The following PCSK5 variants were observed in gnomAD, a reference collection of about 807,000 sequenced individuals.
PCSK5 encodes prohormone convertase 5.
Under a neutral mutation model 233.2 loss-of-function variants are expected in PCSK5, and 129 were observed. The ratio of observed to expected loss-of-function variants is 0.55; its 90% CI spans 0.48 to 0.64. The LOEUF is 0.64. Among genes scored for constraint, PCSK5 ranks in the 30% least tolerant of loss-of-function variants. PCSK5 has a pLI of 0.00. For missense variants in PCSK5, 2,076 were observed against 2,430.1 expected (o/e 0.85, Z 3.06); for synonymous variants, 825 against 879.2 (o/e 0.94, Z 1.09).
chr9:76,082,560 A>G (rs1199412585), intron 7 of PCSK5, among the ~76,000 whole-genome samples: 3 of 152,118 alleles, frequency 2.0e-5, no homozygotes, highest in Non-Finnish European at 2.9e-5. Context: ...TGGGGAGTTC[A>G]CTGTATAATG....
chr9:76,350,658 T>A (rs1374752779), intron 35 of PCSK5, among the ~76,000 whole-genome samples, 170 bp from the exon 36 acceptor site: 1 of 152,228 alleles, frequency 6.6e-6, no homozygotes, highest in Non-Finnish European at 1.5e-5. Context: ...TTGAACTAAT[T>A]GTATAATTTC....
chr9:75,942,078 T>C (rs1279922430), intron 2 of PCSK5, among the ~76,000 whole-genome samples: 1 of 151,878 alleles, frequency 6.6e-6, no homozygotes, highest in African/African-American at 2.4e-5. Flanking sequence ...GTAACATGAG[T>C]GAGTGAGAAG....
At chr9:76,145,086 C>A (rs967290941) in intron 10 of PCSK5, among the ~76,000 whole-genome samples, 5 of 152,222 alleles carry the variant, frequency 3.3e-5, no homozygotes, top group Middle Eastern at 3.4e-3. Context: ...GATTGTGCCG[C>A]TGCACTCCAG....
At chr9:76,150,581 C>T (rs1823631386) in intron 10 of PCSK5, among the ~76,000 whole-genome samples, 2 of 151,660 alleles carry the variant, frequency 1.3e-5, no homozygotes, top group African/African-American at 4.9e-5. Context: ...TGCAGTGAGC[C>T]GAGATCACAC....
At chr9:76,091,217 C>T (rs1831273129) in intron 7 of PCSK5, among the ~76,000 whole-genome samples, 2 of 152,052 alleles carry the variant, frequency 1.3e-5, no homozygotes, top group South Asian at 2.1e-4. Context: ...TCCAAGACCA[C>T]GATGCTTGTA....
chr9:76,022,804 G>A (rs1828254259), intron 3 of PCSK5, among the ~76,000 whole-genome samples: 1 of 152,170 alleles, frequency 6.6e-6, no homozygotes, highest in African/African-American at 2.4e-5. Context: ...GTCCTGTGTA[G>A]GACACCTTTC....
At chr9:75,951,223 T>G (rs73448591) in intron 2 of PCSK5, among the ~76,000 whole-genome samples, 5,284 of 152,332 alleles carry the variant, frequency 0.035, 118 homozygotes, top group Middle Eastern at 0.11. Context: ...TAGACAATGC[T>G]GGTCTTTTCC....
intron 5 of PCSK5, among the ~76,000 whole-genome samples, chr9:76,060,138 T>A (rs1012959509): frequency 1.3e-5 from 2 of 152,164 alleles, no homozygotes; most frequent in African/African-American, 4.8e-5. Flanking sequence ...GAGCAAAGAA[T>A]GTACACTTGA....
rs1458475327 is a variant in PCSK5, at chr9:76,361,575, G to A, written c.*2653G>A. ...AAATTAGCCAGGCATGGTGGCAAGT[G>A]TCTGTAGTCTCAGCTACTCAGGAGG... On this transcript the variant is annotated 3_prime_UTR_variant, in exon 38 of 38. Transcript: ENST00000674117. 6.6e-6 allele frequency: 1 copy of A among 150,752 alleles called. No homozygotes were observed. The highest frequency in any genetic ancestry group is 1.5e-5 in the Non-Finnish European group (1 of 67,730). 9.3% of individuals were successfully genotyped at this position (150,752 alleles called of 1,614,324 possible). A position where few individuals can be genotyped will look rare whatever the true frequency, so the allele number is the denominator to read the frequency against.
intron 24 of PCSK5, among the ~76,000 whole-genome samples, chr9:76,274,817 T>A (rs544920999): frequency 5.9e-5 from 9 of 152,358 alleles, no homozygotes; most frequent in African/African-American, 2.2e-4. Context: ...AATAGAGGTT[T>A]ATCTGGCTCA....
At chr9:75,893,216 T>C (rs1303568622) in intron 1 of PCSK5, among the ~76,000 whole-genome samples, 1 of 152,164 alleles carries the variant, frequency 6.6e-6, no homozygotes, top group Non-Finnish European at 1.5e-5. Context: ...CATACCCTTC[T>C]TTCTTAATCT....
chr9:76,296,838 AC>A lies in PCSK5; in HGVS notation c.3499del (p.Gln1167ArgfsTer19), dbSNP rs769273682. 2 of 1,611,548 alleles carry A rather than the reference AC, an allele frequency of 1.2e-6. No homozygotes were observed. The highest frequency in any genetic ancestry group is 1.3e-5 in the African/African-American group (1 of 74,614). On this transcript the variant is annotated frameshift_variant, in exon 27 of 38. Transcript: ENST00000674117. LOFTEE classifies it high-confidence loss of function. Reference sequence around the variant, plus strand: ...TGGGATGTGCGTGCATGCCACCAAGACCCAGGAGGAGGGCAAATTCTGGAAT... The same window carrying A: ...TGGGATGTGCGTGCATGCCACCAAGACCAGGAGGAGGGCAAATTCTGGAAT... ...LRGMCVHATK[T>X]QEEGKFWNEA... is the part of the protein sequence containing the mutation.
intron 20 of PCSK5, chr9:76,193,261 G>A: frequency 6.2e-7 from 1 of 1,613,530 alleles, no homozygotes. Context: ...TGGGCGGAAG[G>A]AGGCTTCTGT....
At chr9:76,332,760 A>C in intron 34 of PCSK5, 150 bp downstream of exon 34, 1 of 628,112 alleles carries the variant, frequency 1.6e-6, no homozygotes, top group Non-Finnish European at 2.8e-6. Flanking sequence ...ACCAATTCAC[A>C]GTAACAGAAG....
chr9:76,115,856 A>G (rs1013541720), intron 9 of PCSK5, among the ~76,000 whole-genome samples: 2 of 152,072 alleles, frequency 1.3e-5, no homozygotes, highest in African/African-American at 4.8e-5. Context: ...TTATGTGCCA[A>G]GTTTTCTTGG....
intron 2 of PCSK5, among the ~76,000 whole-genome samples, chr9:75,957,704 T>C (rs1350489917): frequency 6.6e-6 from 1 of 152,184 alleles, no homozygotes; most frequent in African/African-American, 2.4e-5. Context: ...GCCATTTTGT[T>C]TTCTAATCTA....
At chr9:76,286,000 T>C (rs1374418542) in intron 24 of PCSK5, among the ~76,000 whole-genome samples, 1 of 152,212 alleles carries the variant, frequency 6.6e-6, no homozygotes, top group East Asian at 1.9e-4. Flanking sequence ...TCTATTTGTC[T>C]TTCTGATAAT....
intron 1 of PCSK5, among the ~76,000 whole-genome samples, chr9:75,917,395 G>A (rs946297455): frequency 5.3e-5 from 8 of 152,214 alleles, no homozygotes; most frequent in African/African-American, 1.7e-4. Context: ...AAGTGTGTAT[G>A]AAGGTGAGAG....
chr9:75,945,163 TATAAG>T (rs1323815299), intron 2 of PCSK5, among the ~76,000 whole-genome samples: 6 of 150,446 alleles, frequency 4.0e-5, no homozygotes, highest in African/African-American at 1.5e-4. Context: ...AAGAATAACA[TATAAG>T]ATATATGTCA....
Sources: gnomAD v4.1 joint callset for allele counts (sites outside exome capture counted in the v4.1 genomes callset) on GRCh38, gnomAD v4.1.1 for gene constraint, MANE v1.5 for transcripts, NCBI Gene and HGNC (gene_info 2026-07-23, HGNC 2026-07-21) for gene names.